PRH1: variants seen among roughly 807,000 people sequenced by gnomAD.
PRH1 encodes the protein salivary acidic proline-rich phosphoprotein 1/2.
Under a neutral mutation model 7.9 loss-of-function variants are expected in PRH1, and 7 were observed. The observed-to-expected ratio is 0.89, with a 90% CI of 0.50 to 1.67. PRH1 has a LOEUF of 1.67. Ranked by LOEUF, PRH1 falls within the 40% of genes most tolerant of loss-of-function variation. The pLI is 0.00. For missense variants in PRH1, 109 were observed against 223.6 expected (o/e 0.49, Z 3.27); for synonymous variants, 45 against 80.8 (o/e 0.56, Z 2.38).
intron 1 of PRH1, among the ~76,000 whole-genome samples, chr12:11,113,529 T>C (rs1048387972): frequency 6.6e-6 from 1 of 152,158 alleles, no homozygotes; most frequent in Non-Finnish European, 1.5e-5. Context: ...AAACTGAAAC[T>C]GGACCCCTTC....
At chr12:11,024,131 T>C (rs1369311300) in intron 1 of PRH1, among the ~76,000 whole-genome samples, 2 of 152,266 alleles carry the variant, frequency 1.3e-5, no homozygotes, top group Admixed American at 1.3e-4. Context: ...TTAAAATCTC[T>C]TAGAGTTACA....
At chr12:11,131,161 A>G (rs1285779070) in intron 1 of PRH1, among the ~76,000 whole-genome samples, 1 of 152,230 alleles carries the variant, frequency 6.6e-6, no homozygotes, top group African/African-American at 2.4e-5. Context: ...ACAGAAGACT[A>G]ACGACAGCTG....
intron 2 of PRH1, among the ~76,000 whole-genome samples, chr12:10,905,826 T>A (rs145865604): frequency 6.6e-6 from 1 of 152,166 alleles, no homozygotes; most frequent in African/African-American, 2.4e-5. Flanking sequence ...GAAAACCAAA[T>A]ACTGCATGTT....
At chr12:11,003,558 T>A (rs1378242424) in intron 1 of PRH1, among the ~76,000 whole-genome samples, 6 of 151,954 alleles carry the variant, frequency 3.9e-5, no homozygotes, top group Admixed American at 1.3e-4. Context: ...TAATAAATTA[T>A]AAGAATTTAT....
intron 1 of PRH1, among the ~76,000 whole-genome samples, chr12:11,101,715 A>C (rs541223472): frequency 1.3e-5 from 2 of 152,340 alleles, no homozygotes; most frequent in South Asian, 4.1e-4. Context: ...AAACAGTAAG[A>C]TAAAAAATTA....
At chr12:11,135,545 T>TA (rs1158029915) in intron 1 of PRH1, among the ~76,000 whole-genome samples, 2 of 49,848 alleles carry the variant, frequency 4.0e-5, no homozygotes, top group East Asian at 6.2e-4. Flanking sequence ...AGCCATGTGA[T>TA]ATATAAATAT....
At chr12:11,059,302 G>C (rs1943491348) in intron 1 of PRH1, among the ~76,000 whole-genome samples, 1 of 149,568 alleles carries the variant, frequency 6.7e-6, no homozygotes, top group Admixed American at 6.7e-5. Flanking sequence ...GCTGCCAGCA[G>C]AGCCATACCA....
intron 2 of PRH1, among the ~76,000 whole-genome samples, chr12:10,929,681 T>G (rs1400369291): frequency 6.6e-6 from 1 of 152,078 alleles, no homozygotes; most frequent in Admixed American, 6.5e-5. Context: ...TAGACAGGGA[T>G]GATGGTGGCC....
intron 2 of PRH1, chr12:10,929,206 C>G: frequency 6.2e-7 from 1 of 1,610,326 alleles, no homozygotes; most frequent in Non-Finnish European, 8.5e-7. Context: ...TCCTGCTTGT[C>G]TTTATAAAGG....
At chr12:10,927,848 C>T (rs1950144590) in intron 2 of PRH1, among the ~76,000 whole-genome samples, 1 of 152,190 alleles carries the variant, frequency 6.6e-6, no homozygotes, top group South Asian at 2.1e-4. Flanking sequence ...GAAAGTGCAG[C>T]TGGTGATACC....
chr12:10,963,664 AG>A (rs1938363563), intron 2 of PRH1, among the ~76,000 whole-genome samples: 1 of 152,190 alleles, frequency 6.6e-6, no homozygotes, highest in Non-Finnish European at 1.5e-5. Context: ...TTATGACAGC[AG>A]TTAAGAGGTC....
At chr12:11,092,342 G>T (rs9802959) in intron 1 of PRH1, 32,861 of 372,858 alleles carry the variant, frequency 0.088, 8,230 homozygotes, top group Non-Finnish European at 0.11. Context: ...GACCTTCACG[G>T]TGAGTGTTGC....
chr12:10,920,837 T>G (rs1486948796), intron 2 of PRH1, among the ~76,000 whole-genome samples: 1 of 152,146 alleles, frequency 6.6e-6, no homozygotes, highest in Non-Finnish European at 1.5e-5. Context: ...TATGTTACAC[T>G]AATAACTATG....
At chr12:11,111,983 T>G (rs558238728) in intron 1 of PRH1, among the ~76,000 whole-genome samples, 2 of 152,028 alleles carry the variant, frequency 1.3e-5, no homozygotes, top group East Asian at 3.9e-4. Context: ...TACCACTGAC[T>G]TCAGAGAAAT....
chr12:10,909,685 A>G (rs958104967), intron 2 of PRH1: 1 of 182,750 alleles, frequency 5.5e-6, no homozygotes, highest in Non-Finnish European at 1.1e-5. Flanking sequence ...AATTAGATTC[A>G]ACCAGCTTGA....
At chr12:11,059,431 A>T (rs967029926) in intron 1 of PRH1, among the ~76,000 whole-genome samples, 11 of 148,682 alleles carry the variant, frequency 7.4e-5, no homozygotes, top group African/African-American at 2.7e-4. Flanking sequence ...GGTAATACAT[A>T]AAAAACATTT....
chr12:10,978,031 C>T (rs1432504433), intron 1 of PRH1, among the ~76,000 whole-genome samples: 1 of 148,546 alleles, frequency 6.7e-6, no homozygotes, highest in Non-Finnish European at 1.5e-5. Flanking sequence ...CTACCAGTGA[C>T]ATTCTTCACC....
At chr12:10,921,214 C>T (rs907019451) in intron 2 of PRH1, among the ~76,000 whole-genome samples, 1 of 151,820 alleles carries the variant, frequency 6.6e-6, no homozygotes, top group African/African-American at 2.4e-5. Context: ...GAGAATAAAA[C>T]ATTTAGGTTC....
intron 1 of PRH1, among the ~76,000 whole-genome samples, chr12:11,104,538 T>G (rs1478700683): frequency 6.6e-6 from 1 of 152,238 alleles, no homozygotes; most frequent in Non-Finnish European, 1.5e-5. Context: ...TTTGTTAATT[T>G]TGATCACTGT....
Sources: gnomAD v4.1 joint callset for allele counts (sites outside exome capture counted in the v4.1 genomes callset) on GRCh38, gnomAD v4.1.1 for gene constraint, MANE v1.5 for transcripts, NCBI Gene and HGNC (gene_info 2026-07-23, HGNC 2026-07-21) for gene names.